Variants in NSD1 observed in about 807,000 individuals in gnomAD.
NSD1 encodes nuclear receptor binding SET domain protein 1.
In NSD1, 26 loss-of-function variants were observed where a neutral mutation model predicts 242.7. The observed-to-expected ratio is 0.11, with a 90% CI of 0.08 to 0.15. The LOEUF is 0.15. Ranked by LOEUF, NSD1 falls within the 10% of genes least tolerant of loss-of-function variation. NSD1 has a pLI of 1.00. For synonymous variants in NSD1, 1,106 were observed against 1,178.1 expected (o/e 0.94, Z 1.25); for missense variants, 2,495 against 3,272.8 (o/e 0.76, Z 5.80).
Position 177,210,750 on chromosome 5 carries a change from A to C in NSD1, c.2351A>C (p.Gln784Pro), listed in dbSNP as rs762759536. Reference protein sequence around the residue: ...NQALLHSKSKQPKFRSIKCKH... With the variant: ...NQALLHSKSKPPKFRSIKCKH... ...GCTCTATTACATTCGAAAAGCAAAC[A>C]GCCCAAGTTCCGAAGTATAAAGTGC... The change falls in exon 5 of 23, where the codon CAG becomes CCG. Residue 784 changes from glutamine to proline, a missense_variant. Gln to Pro is a moderately conservative substitution (Grantham distance 76, BLOSUM62 -1). Transcript: ENST00000439151. The C allele has an allele frequency of 6.2e-7, 1 of 1,614,240 alleles. No individual in the cohort carries two copies. Among genetic ancestry groups the C allele is most frequent in the Non-Finnish European group, 8.5e-7 (1 of 1,180,046 alleles).
intron 3 of NSD1, among the ~76,000 whole-genome samples, chr5:177,196,177 G>A (rs1280155831): frequency 6.6e-6 from 1 of 152,194 alleles, no homozygotes; most frequent in African/African-American, 2.4e-5. Context: ...GGGTGGCACA[G>A]TATGAGGCTG....
At chr5:177,139,611 A>G (rs1010171617) in intron 2 of NSD1, among the ~76,000 whole-genome samples, 1 of 152,228 alleles carries the variant, frequency 6.6e-6, no homozygotes, top group Non-Finnish European at 1.5e-5. Context: ...TATTGTTACT[A>G]TGCTGGGAAT....
chr5:177,221,790 T>C (rs977953523), intron 5 of NSD1, among the ~76,000 whole-genome samples: 1 of 151,676 alleles, frequency 6.6e-6, no homozygotes. Context: ...TATTTCCCCT[T>C]CCCCACTTTG....
chr5:177,174,195 T>C (rs1380029669), intron 2 of NSD1, among the ~76,000 whole-genome samples: 3 of 151,772 alleles, frequency 2.0e-5, no homozygotes, highest in Non-Finnish European at 2.9e-5. Flanking sequence ...TGAAACCCCG[T>C]CTTTATTAAA....
At position 177,282,524 on chromosome 5, in the gene NSD1, A is replaced by G. The variant is rs150346729; in HGVS notation, c.5952A>G (p.Arg1984=). 3.1e-6 allele frequency: 5 copies of G among 1,613,910 alleles called. No homozygotes were observed. In the African/African-American group the frequency reaches 6.7e-5, roughly 22 times the overall value. Residue 1984 remains arginine, a synonymous_variant, in exon 19 of 23, where the codon CGA becomes CGG. Coordinates refer to ENST00000439151, the MANE Select transcript of NSD1 (RefSeq NM_022455.5). ...TAGATGAAGAAGAATGCAGAGCTCGAATTCGCTATGCTCAAGAACATGATA... is the reference window on the plus strand; with the variant it reads ...TAGATGAAGAAGAATGCAGAGCTCGGATTCGCTATGCTCAAGAACATGATA... ...ELIDEEECRA[R]IRYAQEHDIT...
rs1757799926 is a variant in NSD1 at position 177,269,677 on chromosome 5, G to A, written c.5379G>A (p.Glu1793=). 1.9e-6 allele frequency: 3 copies of A among 1,614,134 alleles called. No homozygotes were observed. Among genetic ancestry groups the A allele is most frequent in the Non-Finnish European group, 2.5e-6 (3 of 1,180,028 alleles). Residue 1793 remains glutamate (E), a synonymous_variant, in exon 16 of 23, where the codon GAG becomes GAA. Coordinates refer to ENST00000439151, the MANE Select transcript of NSD1 (RefSeq NM_022455.5). This position sits in a 1 kb window ranked among gnomAD's most constrained non-coding sequence, Gnocchi z 5.1. ...ATAAGATGAGACATGATGTGGGAGA[G>A]TTCCCAGTCCTCTTTTTTGGATCTA... is the stretch of plus-strand genomic sequence containing the variant. ...NIDKMRHDVG[E]FPVLFFGSND... is the part of the protein sequence containing the mutation.
intron 2 of NSD1, among the ~76,000 whole-genome samples, chr5:177,149,245 T>C (rs534647829): frequency 6.6e-6 from 1 of 151,618 alleles, no homozygotes; most frequent in East Asian, 1.9e-4. Flanking sequence ...TGAGACGGAA[T>C]GTTGCTCTTG....
Position 177,204,250 on chromosome 5 carries a change from TAGG to T in NSD1, c.1197_1199del (p.Arg401del). 1 of 1,613,986 alleles carries T rather than the reference TAGG, an allele frequency of 6.2e-7. No homozygotes were observed. The highest frequency in any genetic ancestry group is 8.5e-7 in the Non-Finnish European group (1 of 1,179,952). On this transcript the variant is annotated inframe_deletion, in exon 4 of 23. Coordinates refer to ENST00000439151, the MANE Select transcript of NSD1 (RefSeq NM_022455.5). ...ATCAATTCGAAGAGCTACCTGTCCT[TAGG>T]AGAAGAGGGAAACAGAAAGAAAAAG...
At chr5:177,202,190 T>TC (rs1005821789) in intron 3 of NSD1, among the ~76,000 whole-genome samples, 2 of 151,606 alleles carry the variant, frequency 1.3e-5, no homozygotes, top group Admixed American at 1.3e-4. Flanking sequence ...AAAAAGTTGT[T>TC]CAAGTACTTC....
At chr5:177,174,709 C>G (rs1053662458) in intron 2 of NSD1, among the ~76,000 whole-genome samples, 7 of 150,276 alleles carry the variant, frequency 4.7e-5, no homozygotes, top group Non-Finnish European at 1.0e-4. Flanking sequence ...CAGGTGCCCA[C>G]TACAACGCCC....
chr5:177,185,758 A>G lies in NSD1; in HGVS notation c.928-6126A>G, dbSNP rs1327515009. On this transcript the variant is annotated intron_variant, in intron 2 of 22. Coordinates refer to ENST00000439151, the MANE Select transcript of NSD1 (RefSeq NM_022455.5). ...ATATTTTATATATTATATATAATAT[A>G]TTTTATATATTTATATATTATATAT... is the stretch of plus-strand genomic sequence containing the variant. Among the ~76,000 whole-genome samples the G allele has an allele frequency of 6.9e-5, 6 of 87,000 alleles. No homozygotes were observed. In the East Asian group the frequency reaches 1.5e-3, roughly 21 times the overall value. The allele number at this position is 87,000 out of a possible 152,430, so 57.1% of individuals were successfully genotyped here.
chr5:177,251,918 C>A, intron 12 of NSD1, 65 bp downstream of exon 12: 1 of 1,599,186 alleles, frequency 6.3e-7, no homozygotes, highest in Non-Finnish European at 8.6e-7. Context: ...TCAGGAAAGA[C>A]ATTTATTGGA....
At chr5:177,133,679 G>C (rs1562094966), upstream of NSD1, 1 of 148,920 alleles carries the variant, frequency 6.7e-6, no homozygotes, top group East Asian at 2.0e-4. This position sits in a 1 kb window ranked among gnomAD's most constrained non-coding sequence, Gnocchi z 6.2. Flanking sequence ...AGGGGTGCGC[G>C]CGCACTCGGG....
chr5:177,226,664 T>C (rs1672289181), intron 5 of NSD1, among the ~76,000 whole-genome samples: 1 of 152,168 alleles, frequency 6.6e-6, no homozygotes, highest in African/African-American at 2.4e-5. Flanking sequence ...AGTATTCCAA[T>C]TTGAAATTTC....
At chr5:177,222,613 A>T (rs1171311344) in intron 5 of NSD1, among the ~76,000 whole-genome samples, 2 of 152,086 alleles carry the variant, frequency 1.3e-5, no homozygotes, top group Non-Finnish European at 2.9e-5. Flanking sequence ...ATATTTTCAT[A>T]TACTTTTGGG....
In NSD1 at chr5:177,209,062, T is replaced by C. The variant is rs148236259; in HGVS notation, c.1237-574T>C. Among the ~76,000 whole-genome samples, 469 of 152,204 alleles carry C rather than the reference T, an allele frequency of 3.1e-3. 4 individuals carry two copies. The highest frequency in any genetic ancestry group is 5.2e-3 in the Non-Finnish European group (352 of 68,006). ...CTATATTCTGCTTTGTGCTTATAAA[T>C]GCAGGGAGGGTGGAGTGTTTGTGAG... On this transcript the variant is annotated intron_variant, in intron 4 of 22. Coordinates refer to ENST00000439151, the MANE Select transcript of NSD1 (RefSeq NM_022455.5).
At chr5:177,202,004 T>C (rs1762545188) in intron 3 of NSD1, among the ~76,000 whole-genome samples, 1 of 151,970 alleles carries the variant, frequency 6.6e-6, no homozygotes, top group African/African-American at 2.4e-5. Context: ...TCGTCTTTAC[T>C]AAAAATACAA....
chr5:177,140,032 G>A (rs958761636), intron 2 of NSD1, among the ~76,000 whole-genome samples: 1 of 152,042 alleles, frequency 6.6e-6, no homozygotes, highest in Non-Finnish European at 1.5e-5. Flanking sequence ...AGAGAAAGAA[G>A]GGTCATATTT....
At chr5:177,156,174 ATTT>A (rs34417228) in intron 2 of NSD1, among the ~76,000 whole-genome samples, 5 of 78,006 alleles carry the variant, frequency 6.4e-5, no homozygotes, top group East Asian at 4.4e-4. Context: ...CTCTTTTCAG[ATTT>A]TTTTTTTTTT....
Sources: allele counts gnomAD v4.1 joint callset (sites outside exome capture counted in the v4.1 genomes callset), GRCh38; gene constraint gnomAD v4.1.1; non-coding constraint Gnocchi (gnomAD v3.1); transcripts MANE v1.5; gene names NCBI Gene and HGNC (gene_info 2026-07-23, HGNC 2026-07-21).